ACBD6: variants seen among roughly 807,000 people sequenced by gnomAD.
The protein encoded by ACBD6 is acyl-CoA binding domain containing 6, also known as acyl-CoA-binding domain-containing protein 6.
Under a neutral mutation model 37.2 loss-of-function variants are expected in ACBD6, and 28 were observed. That is an observed-to-expected ratio of 0.75 (90% CI 0.56 to 1.03). ACBD6 has a LOEUF of 1.03. ACBD6 is among the 50% of genes least tolerant of loss of function. The pLI is 0.00. For synonymous variants in ACBD6, 113 were observed against 126.8 expected, an observed-to-expected ratio of 0.89 and a Z score of 0.73; for missense variants, 340 against 337.4, an observed-to-expected ratio of 1.01 and a Z score of -0.06.
chr1:180,486,075 T>C (rs1212940292), intron 3 of ACBD6, among the ~76,000 whole-genome samples: 1 of 152,184 alleles, frequency 6.6e-6, no homozygotes, highest in Non-Finnish European at 1.5e-5. Flanking sequence ...CTACACATTC[T>C]TGTTCAATAG....
intron 3 of ACBD6, among the ~76,000 whole-genome samples, chr1:180,446,730 A>T (rs1325151275): frequency 1.3e-5 from 2 of 152,148 alleles, no homozygotes; most frequent in Non-Finnish European, 2.9e-5. Flanking sequence ...TTAAAAAATC[A>T]TCTCCTACAA....
At chr1:180,323,511 G>C (rs2149296095) in intron 6 of ACBD6, among the ~76,000 whole-genome samples, 1 of 152,110 alleles carries the variant, frequency 6.6e-6, no homozygotes, top group East Asian at 1.9e-4. Flanking sequence ...GGAGTCTCCA[G>C]CTACTATTGT....
At chr1:180,287,578 CTTTTT>C (rs72179174), downstream of ACBD6, among the ~76,000 whole-genome samples, 3 of 71,592 alleles carry the variant, frequency 4.2e-5, no homozygotes, top group African/African-American at 1.0e-4. Flanking sequence ...CAGATCTAAG[CTTTTT>C]TTTTTTTTTT....
chr1:180,316,288 A>T (rs17300282), intron 6 of ACBD6, among the ~76,000 whole-genome samples: 24,000 of 151,896 alleles, frequency 0.16, 1,951 homozygotes, highest in Middle Eastern at 0.22. Context: ...TATATTTGTC[A>T]GCTTCCAATG....
intron 6 of ACBD6, among the ~76,000 whole-genome samples, chr1:180,390,439 T>C (rs930685840): frequency 6.6e-6 from 1 of 151,950 alleles, no homozygotes; most frequent in African/African-American, 2.4e-5. Flanking sequence ...GGTAGTGTGA[T>C]GCCTCCAGCT....
chr1:180,393,134 A>T (rs1440906830), intron 6 of ACBD6, among the ~76,000 whole-genome samples: 1 of 152,214 alleles, frequency 6.6e-6, no homozygotes, highest in East Asian at 1.9e-4. Context: ...CTAATCCCAA[A>T]TGTGGCAAGA....
intron 6 of ACBD6, among the ~76,000 whole-genome samples, chr1:180,326,755 T>C (rs1335051382): frequency 1.3e-5 from 2 of 152,026 alleles, no homozygotes; most frequent in African/African-American, 4.8e-5. Flanking sequence ...AAGGGCTCTT[T>C]AGTCTGCAGG....
intron 7 of ACBD6, among the ~76,000 whole-genome samples, chr1:180,296,407 T>C (rs954447016): frequency 7.6e-6 from 1 of 131,500 alleles, no homozygotes; most frequent in East Asian, 2.2e-4. Context: ...CTGATGAGGA[T>C]GGCTATACTA....
chr1:180,480,193 C>T (rs1322564918), intron 3 of ACBD6, among the ~76,000 whole-genome samples: 1 of 152,040 alleles, frequency 6.6e-6, no homozygotes, highest in Non-Finnish European at 1.5e-5. Context: ...GTCAGATATA[C>T]ATTCAGATAA....
At chr1:180,388,446 T>C (rs974181371) in intron 6 of ACBD6, among the ~76,000 whole-genome samples, 1 of 152,224 alleles carries the variant, frequency 6.6e-6, no homozygotes, top group South Asian at 2.1e-4. Context: ...TAAAGGAGTA[T>C]TTCCCATCTG....
chr1:180,347,565 C>T (rs1384708759), intron 6 of ACBD6, among the ~76,000 whole-genome samples: 1 of 151,752 alleles, frequency 6.6e-6, no homozygotes, highest in African/African-American at 2.4e-5. Context: ...CCATGTTGGC[C>T]CAGCTGGTAG....
At chr1:180,393,370 A>T (rs974432781) in intron 6 of ACBD6, among the ~76,000 whole-genome samples, 1 of 152,224 alleles carries the variant, frequency 6.6e-6, no homozygotes, top group Non-Finnish European at 1.5e-5. Context: ...CACAGAGTAG[A>T]CTTTGACATA....
At chr1:180,493,274 A>C (rs915492586) in intron 2 of ACBD6, among the ~76,000 whole-genome samples, 4 of 139,484 alleles carry the variant, frequency 2.9e-5, no homozygotes, top group African/African-American at 9.0e-5. Flanking sequence ...AAAAAAAAAA[A>C]AAAACAACAA....
rs369244572 is a variant in ACBD6, at chr1:180,502,052, T to C, written c.215A>G (p.Tyr72Cys). 6.3e-5 allele frequency: 102 copies of C among 1,613,568 alleles called. No individual in the cohort carries two copies. The highest frequency in any genetic ancestry group is 8.1e-5 in the Non-Finnish European group (96 of 1,179,864). Residue 72 changes from tyrosine to cysteine, a missense_variant, in exon 1 of 8, where the codon TAC becomes TGC. Tyr to Cys is a radical substitution (Grantham distance 194). Coordinates refer to ENST00000367595, the MANE Select transcript of ACBD6 (RefSeq NM_032360.4). ...CTCTCCCTGCTACTTTACCTGTTTGTACCTGGCATACAGGTACAAGAGCTG... is the reference window on the plus strand; with the variant it reads ...CTCTCCCTGCTACTTTACCTGTTTGCACCTGGCATACAGGTACAAGAGCTG... ...REQLLYLYARYKQVKVGNCNT... is the reference protein window; with the variant it reads ...REQLLYLYARCKQVKVGNCNT...
At chr1:180,276,655 T>A (rs916337175) in intron 9 of ACBD6, 1 of 152,178 alleles carries the variant, frequency 6.6e-6, no homozygotes, top group African/African-American at 2.4e-5. Context: ...AATACACCCT[T>A]CTTAGCAGGC....
intron 6 of ACBD6, among the ~76,000 whole-genome samples, chr1:180,329,441 T>C (rs566237904): frequency 3.9e-5 from 6 of 152,304 alleles, no homozygotes; most frequent in Admixed American, 3.9e-4. Flanking sequence ...CTGCTAAGGA[T>C]TGGAAATCAG....
At chr1:180,497,874 T>C (rs1175212547) in intron 1 of ACBD6, among the ~76,000 whole-genome samples, 4 of 152,192 alleles carry the variant, frequency 2.6e-5, no homozygotes, top group African/African-American at 9.6e-5. Flanking sequence ...TTAGCAGCAT[T>C]TTCAGATAAT....
intron 3 of ACBD6, among the ~76,000 whole-genome samples, chr1:180,431,075 C>A (rs557927636): frequency 1.3e-5 from 2 of 151,712 alleles, no homozygotes; most frequent in Admixed American, 6.6e-5. Context: ...AATTTGACTG[C>A]AAAAAGACTA....
intron 7 of ACBD6, among the ~76,000 whole-genome samples, chr1:180,291,663 T>TA (rs1226749379): frequency 6.6e-6 from 1 of 152,180 alleles, no homozygotes; most frequent in African/African-American, 2.4e-5. Context: ...TCATTTTTTT[T>TA]AAGAGTATCT....
Sources: gnomAD v4.1 joint callset for allele counts (sites outside exome capture counted in the v4.1 genomes callset) on GRCh38, gnomAD v4.1.1 for gene constraint, MANE v1.5 for transcripts, NCBI Gene and HGNC (gene_info 2026-07-23, HGNC 2026-07-21) for gene names.